The following ZNF236 variants were observed in gnomAD, a reference collection of about 807,000 sequenced individuals.
The protein encoded by ZNF236 is zinc finger protein 236.
In ZNF236, 50 loss-of-function variants were observed where a neutral mutation model predicts 191.2. The ratio of observed to expected loss-of-function variants is 0.26; its 90% confidence interval spans 0.21 to 0.33. The LOEUF is 0.33. Ranked by LOEUF, ZNF236 falls within the 10% of genes least tolerant of loss-of-function variation. The pLI is 1.00. For synonymous variants in ZNF236, 907 were observed against 928.8 expected, an observed-to-expected ratio of 0.98 and a Z score of 0.43; for missense variants, 1,754 against 2,374.5, an observed-to-expected ratio of 0.74 and a Z score of 5.43.
intron 1 of ZNF236, among the ~76,000 whole-genome samples, chr18:76,847,507 C>T (rs1456396130): frequency 6.6e-6 from 1 of 151,810 alleles, no homozygotes; most frequent in Non-Finnish European, 1.5e-5. Context: ...ACTCTTTCAC[C>T]CAGGCTGGAG....
chr18:76,948,068 A>C (rs1474268135), intron 27 of ZNF236, among the ~76,000 whole-genome samples: 6 of 151,930 alleles, frequency 3.9e-5, no homozygotes, highest in African/African-American at 4.8e-5. Flanking sequence ...ATTTTCATAT[A>C]CGTGTGTGTG....
At chr18:76,896,953 T>C (rs1397453828) in intron 10 of ZNF236, among the ~76,000 whole-genome samples, 2 of 149,000 alleles carry the variant, frequency 1.3e-5, no homozygotes, top group Admixed American at 6.7e-5. Context: ...CAGCATCACA[T>C]ACAGTACTGC....
chr18:76,945,813 G>T (rs1555699215), intron 26 of ZNF236, among the ~76,000 whole-genome samples: 1 of 152,148 alleles, frequency 6.6e-6, no homozygotes, highest in Non-Finnish European at 1.5e-5. Context: ...TTTCAATTTA[G>T]ATCATGTTTA....
At chr18:76,917,233 A>G (rs1967392535) in intron 19 of ZNF236, among the ~76,000 whole-genome samples, 1 of 152,260 alleles carries the variant, frequency 6.6e-6, no homozygotes, top group Non-Finnish European at 1.5e-5. Context: ...TTCATAAAGT[A>G]TAAAAAGAAA....
At chr18:76,878,973 C>G (rs1976793563) in intron 7 of ZNF236, among the ~76,000 whole-genome samples, 1 of 151,722 alleles carries the variant, frequency 6.6e-6, no homozygotes. Context: ...TGGGATGGTT[C>G]CTCAATATAT....
Position 76,840,494 on chromosome 18 carries a change from C to CAA in ZNF236, c.56-9023_56-9022dup, listed in dbSNP as rs202010236. Among the ~76,000 whole-genome samples the CAA allele has an allele frequency of 4.2e-4, 59 of 139,496 alleles. No individual in the cohort carries two copies. The East Asian group carries it at 0.01, about 25-fold the overall frequency. 91.5% of individuals were successfully genotyped at this position (139,496 alleles called of 152,430 possible). On this transcript the variant is annotated intron_variant, in intron 1 of 30. Coordinates refer to ENST00000320610, the MANE Select transcript of ZNF236 (RefSeq NM_001306089.2). ...GGGCAACAAGAGTGAAACTCTGTCT[C>CAA]AAAAAAAAAAGAAAAAGAGGGAGAC... is the stretch of plus-strand genomic sequence containing the variant.
In ZNF236 at chr18:76,949,592, T is replaced by C. The variant is rs72985245; in HGVS notation, c.4914+1940T>C. ...TCATACATTAACATTATGATTTAGTTTTCTGGTTTCCCAGGGCATATGATG... is the reference window on the plus strand; with the variant it reads ...TCATACATTAACATTATGATTTAGTCTTCTGGTTTCCCAGGGCATATGATG... On this transcript the variant is annotated intron_variant, in intron 27 of 30. Transcript: ENST00000320610. Among the ~76,000 whole-genome samples, 256 of 152,286 alleles carry C rather than the reference T, an allele frequency of 1.7e-3. 2 individuals carry two copies. Among genetic ancestry groups the C allele is most frequent in the Non-Finnish European group, 2.8e-3 (190 of 68,016 alleles).
At chr18:76,879,887 A>G (rs557820589) in intron 7 of ZNF236, among the ~76,000 whole-genome samples, 34 of 152,248 alleles carry the variant, frequency 2.2e-4, no homozygotes, top group African/African-American at 7.9e-4. Flanking sequence ...TGCTCACTGG[A>G]AAAAACTGTA....
rs1376866926 is a variant in ZNF236, at chr18:76,968,254, G to A, written c.5459G>A (p.Gly1820Glu). 6.2e-6 allele frequency: 10 copies of A among 1,612,772 alleles called. No homozygotes were observed. The African/African-American group carries it at 1.1e-4, about 17-fold the overall frequency. ...TCTGCAGGTCACCCGGAGCAGGACGGGGAGGAGCTGAGCCGGACCCTCCAC... is the reference window on the plus strand; with the variant it reads ...TCTGCAGGTCACCCGGAGCAGGACGAGGAGGAGCTGAGCCGGACCCTCCAC... Reference protein sequence around the residue: ...QESAGHPEQDGEELSRTLHLE... With the variant: ...QESAGHPEQDEEELSRTLHLE... The change falls in exon 31 of 31, where the codon GGG (glycine) becomes GAG (glutamate). Residue 1820 changes from glycine to glutamate, a missense_variant. By Grantham distance (98) the Gly-to-Glu change is moderately conservative. Around this residue, in one of 5 missense-constraint regions of ZNF236, gnomAD observed 606 missense variants for 761.5 expected, o/e 0.80. Coordinates refer to ENST00000320610, the MANE Select transcript of ZNF236 (RefSeq NM_001306089.2).
chr18:76,889,366 G>A (rs574875275), intron 9 of ZNF236, among the ~76,000 whole-genome samples: 9 of 152,274 alleles, frequency 5.9e-5, no homozygotes, highest in African/African-American at 1.9e-4. Context: ...ATACATGCTT[G>A]GTTACACTGC....
rs1976686344 is a variant in ZNF236, at chr18:76,875,430, T to G, written c.668-62T>G. 5.0e-6 allele frequency: 7 copies of G among 1,403,680 alleles called. No homozygotes were observed. The South Asian group carries it at 1.2e-4, about 25-fold the overall frequency. The allele number at this position is 1,403,680 out of a possible 1,614,324, so 87.0% of individuals were successfully genotyped here. ...TTGGGTAACTTCAGTGTTGTTCTTTTCAATCCGTAAGATGCCCATACAATA... is the reference window on the plus strand; with the variant it reads ...TTGGGTAACTTCAGTGTTGTTCTTTGCAATCCGTAAGATGCCCATACAATA... On this transcript the variant is annotated intron_variant, in intron 5 of 30. Transcript: ENST00000320610. This position sits in a 1 kb window ranked among gnomAD's most constrained non-coding sequence, Gnocchi z 4.3.
At chr18:76,867,700 A>G (rs1468471410) in intron 3 of ZNF236, among the ~76,000 whole-genome samples, 1 of 152,196 alleles carries the variant, frequency 6.6e-6, no homozygotes, top group Non-Finnish European at 1.5e-5. Flanking sequence ...TAAGTCAGCA[A>G]TGGCTACTGA....
Position 76,936,172 on chromosome 18 carries a change from C to A in ZNF236, c.4595-984C>A, listed in dbSNP as rs1967992141. On this transcript the variant is annotated intron_variant, in intron 25 of 30. Coordinates refer to ENST00000320610, the MANE Select transcript of ZNF236 (RefSeq NM_001306089.2). ...GGCGCGTGTTTCTTTTGTTTTGAAA[C>A]CTGGTTAGGCAATAGCTTTTTGAAC... The A allele has an allele frequency of 2.9e-5, 13 of 447,534 alleles. 1 individual carries two copies. The highest frequency in any genetic ancestry group is 2.1e-4 in the South Asian group (13 of 63,302). The allele number at this position is 447,534 out of a possible 1,614,324, so 27.7% of individuals were successfully genotyped here. A position where few individuals can be genotyped will look rare whatever the true frequency, so the allele number is the denominator to read the frequency against.
At chr18:76,909,718 A>T (rs1465854373) in intron 14 of ZNF236, among the ~76,000 whole-genome samples, 1 of 152,190 alleles carries the variant, frequency 6.6e-6, no homozygotes, top group Non-Finnish European at 1.5e-5. Flanking sequence ...GGATGTCTCA[A>T]ATGTATTCCG....
chr18:76,942,412 C>T (rs1233686608), intron 26 of ZNF236, among the ~76,000 whole-genome samples: 2 of 152,078 alleles, frequency 1.3e-5, no homozygotes, highest in Non-Finnish European at 2.9e-5. Flanking sequence ...TTTTTTGTTT[C>T]TTTGTAAAAT....
At chr18:76,862,940 A>C (rs1209064285) in intron 3 of ZNF236, among the ~76,000 whole-genome samples, 1 of 152,256 alleles carries the variant, frequency 6.6e-6, no homozygotes. Context: ...CCTGACAAGT[A>C]CTTTAAAGCA....
intron 15 of ZNF236, 135 bp downstream of exon 15, chr18:76,910,304 C>A: frequency 1.3e-6 from 1 of 754,614 alleles, no homozygotes; most frequent in Non-Finnish European, 2.0e-6. Context: ...TTTTTGCATG[C>A]ATTGTAGATT....
chr18:76,876,056 A>G (rs762266683), intron 6 of ZNF236, among the ~76,000 whole-genome samples: 1 of 152,238 alleles, frequency 6.6e-6, no homozygotes, highest in African/African-American at 2.4e-5. Context: ...TCTTACTGCT[A>G]ATACTACAGA....
At chr18:76,930,645 G>A (rs374627227) in intron 25 of ZNF236, among the ~76,000 whole-genome samples, 2 of 152,130 alleles carry the variant, frequency 1.3e-5, no homozygotes, top group East Asian at 1.9e-4. Flanking sequence ...ACGGGAAACC[G>A]CAGCATCGTG....
Sources: allele counts gnomAD v4.1 joint callset (sites outside exome capture counted in the v4.1 genomes callset), GRCh38; gene constraint gnomAD v4.1.1; regional missense constraint gnomAD v4.1.1; non-coding constraint Gnocchi (gnomAD v3.1); transcripts MANE v1.5; gene names NCBI Gene and HGNC (gene_info 2026-07-23, HGNC 2026-07-21).